Variants in PIEZO2 observed in about 807,000 individuals in gnomAD.
PIEZO2 encodes piezo type mechanosensitive ion channel component 2, also known as piezo-type mechanosensitive ion channel component 2.
PIEZO2 carries 172 observed loss-of-function variants against 337.3 expected under a neutral mutation model. The observed-to-expected ratio is 0.51, with a 90% confidence interval of 0.45 to 0.58. PIEZO2 has a LOEUF of 0.58. Ranked by LOEUF, PIEZO2 falls within the 20% of genes least tolerant of loss-of-function variation. PIEZO2 has a pLI of 0.00. For missense variants in PIEZO2, 3,028 were observed against 3,391.3 expected (o/e 0.89, Z 2.66); for synonymous variants, 1,251 against 1,228.5 (o/e 1.02, Z -0.38).
At position 10,775,080 on chromosome 18, in the gene PIEZO2, G is replaced by A. The variant is rs957001869; in HGVS notation, c.2535-1042C>T. Among the ~76,000 whole-genome samples the A allele has an allele frequency of 6.6e-6, 1 of 152,168 alleles. No homozygotes were observed. The highest frequency in any genetic ancestry group is 1.5e-5 in the Non-Finnish European group (1 of 68,036). ...TCATTCAAACAATTCCCTTGCACAG[G>A]ATGTCCAGCAGGTAAATGATAGTAT... On this transcript the variant is annotated intron_variant, in intron 18 of 55. Transcript: ENST00000674853. The surrounding 1 kb of genome is among the most constrained non-coding windows in gnomAD (Gnocchi z 4.3).
Position 10,954,076 on chromosome 18 carries a change from C to T in PIEZO2, c.286+25459G>A, listed in dbSNP as rs777845909. ...ATAAGACAGCCTGTGAAATTTTAGG[C>T]CTTACACTATATAACTCAGTCTTGA... On this transcript the variant is annotated intron_variant, in intron 3 of 55. Coordinates refer to ENST00000674853, the MANE Select transcript of PIEZO2 (RefSeq NM_001378183.1). This position sits in a 1 kb window ranked among gnomAD's most constrained non-coding sequence, Gnocchi z 4.2. Among the ~76,000 whole-genome samples, 2 of 152,180 alleles carry T rather than the reference C, an allele frequency of 1.3e-5. No homozygotes were observed. The highest frequency in any genetic ancestry group is 6.5e-5 in the Admixed American group (1 of 15,284).
At chr18:10,772,990 T>C (rs1386208564) in intron 20 of PIEZO2, among the ~76,000 whole-genome samples, 1 of 152,218 alleles carries the variant, frequency 6.6e-6, no homozygotes, top group African/African-American at 2.4e-5. Flanking sequence ...AGAAATATAT[T>C]CTTAATTATT....
At chr18:10,868,764 C>T (rs1460713200) in intron 5 of PIEZO2, among the ~76,000 whole-genome samples, 1 of 152,170 alleles carries the variant, frequency 6.6e-6, no homozygotes, top group Non-Finnish European at 1.5e-5. Context: ...TTAGAATTAA[C>T]CCATGTGACT....
chr18:11,018,746 T>C (rs2145700653), intron 2 of PIEZO2, among the ~76,000 whole-genome samples: 1 of 152,290 alleles, frequency 6.6e-6, no homozygotes, highest in South Asian at 2.1e-4. Context: ...TCCTTCCTTT[T>C]GGAACCCCAT....
chr18:10,770,597 CGCTT>C (rs1184652119), intron 20 of PIEZO2, among the ~76,000 whole-genome samples: 2 of 151,762 alleles, frequency 1.3e-5, no homozygotes, highest in East Asian at 1.9e-4. Context: ...TCCTTCCACT[CGCTT>C]GCTTGCTTGC....
chr18:10,699,635 G>A (rs577226149), intron 43 of PIEZO2, among the ~76,000 whole-genome samples: 4 of 152,272 alleles, frequency 2.6e-5, no homozygotes, highest in Non-Finnish European at 5.9e-5. Flanking sequence ...GCATGAAAAC[G>A]GACTAATACA....
At chr18:10,739,755 T>A (rs1390315770) in intron 33 of PIEZO2, 1 of 152,254 alleles carries the variant, frequency 6.6e-6, no homozygotes, top group Non-Finnish European at 1.5e-5. Flanking sequence ...ATAAAACTCT[T>A]TCTAATCTTG....
intron 2 of PIEZO2, among the ~76,000 whole-genome samples, chr18:11,034,284 C>CA (rs991146094): frequency 6.6e-6 from 1 of 151,750 alleles, no homozygotes; most frequent in Non-Finnish European, 1.5e-5. Context: ...TTAAATGTAT[C>CA]ATTTCTTTTC....
chr18:10,728,919 C>T (rs527618878), intron 36 of PIEZO2, among the ~76,000 whole-genome samples: 12 of 142,784 alleles, frequency 8.4e-5, no homozygotes, highest in Admixed American at 2.2e-4. Flanking sequence ...GGCGCCACTG[C>T]ACTCCAGCCT....
intron 1 of PIEZO2, among the ~76,000 whole-genome samples, chr18:11,106,518 C>T (rs544752875): frequency 5.8e-4 from 87 of 151,282 alleles, no homozygotes; most frequent in Middle Eastern, 3.4e-3. Flanking sequence ...GGTGATCCTC[C>T]CGCCTCAGCC....
rs1334920509 is a variant in PIEZO2, at chr18:10,827,509, C to T, written c.918-20235G>A. ...AGACCAACATTTGCCTCCTTTTTTTCTCTCTCTGCTCCCCCTGCCTTTATG... is the reference window on the plus strand; with the variant it reads ...AGACCAACATTTGCCTCCTTTTTTTTTCTCTCTGCTCCCCCTGCCTTTATG... On this transcript the variant is annotated intron_variant, in intron 7 of 55. Transcript: ENST00000674853. 2.6e-5 allele frequency among the ~76,000 whole-genome samples: 4 copies of T among 151,728 alleles called. No homozygotes were observed. In the South Asian group the frequency reaches 6.2e-4, roughly 24 times the overall value.
At position 11,033,971 on chromosome 18, in the gene PIEZO2, C is replaced by T. The variant is rs2036828679; in HGVS notation, c.160+32156G>A. 6.6e-6 allele frequency among the ~76,000 whole-genome samples: 1 copy of T among 151,940 alleles called. No individual in the cohort carries two copies. Among genetic ancestry groups the T allele is most frequent in the Non-Finnish European group, 1.5e-5 (1 of 68,014 alleles). On this transcript the variant is annotated intron_variant, in intron 2 of 55. Transcript: ENST00000674853. The surrounding 1 kb of genome is among the most constrained non-coding windows in gnomAD (Gnocchi z 4.2). Reference sequence around the variant, plus strand: ...GAGCTAATGTTGTGCTGATTTGAAACTGAAGGGGAAAAAAACCCTCAGATT... The same window carrying T: ...GAGCTAATGTTGTGCTGATTTGAAATTGAAGGGGAAAAAAACCCTCAGATT...
intron 1 of PIEZO2, among the ~76,000 whole-genome samples, chr18:11,147,931 C>T (rs369963968): frequency 6.6e-6 from 1 of 152,236 alleles, no homozygotes; most frequent in African/African-American, 2.4e-5. Context: ...GGGTCTATAG[C>T]CTTAGCATCC....
chr18:10,989,754 T>C (rs917746785), intron 2 of PIEZO2, among the ~76,000 whole-genome samples: 3 of 152,140 alleles, frequency 2.0e-5, no homozygotes, highest in African/African-American at 7.2e-5. Flanking sequence ...GCTAAAGCTA[T>C]TGTAGATAAA....
Position 11,003,801 on chromosome 18 carries a change from C to A in PIEZO2, c.161-24141G>T, listed in dbSNP as rs1192657526. Among the ~76,000 whole-genome samples, 5 of 152,288 alleles carry A rather than the reference C, an allele frequency of 3.3e-5. No individual in the cohort carries two copies. In the East Asian group the frequency reaches 9.7e-4, roughly 29 times the overall value. ...CCCACACAGACCTGGGGAGAACAAG[C>A]AAACTCCACATGGGGGTGGACCTGG... On this transcript the variant is annotated intron_variant, in intron 2 of 55. Transcript: ENST00000674853. This position sits in a 1 kb window ranked among gnomAD's most constrained non-coding sequence, Gnocchi z 4.6.
At chr18:10,836,435 T>C (rs2041016171) in intron 7 of PIEZO2, among the ~76,000 whole-genome samples, 3 of 152,162 alleles carry the variant, frequency 2.0e-5, no homozygotes, top group African/African-American at 7.2e-5. Flanking sequence ...ACCTCCCCAC[T>C]TTGCTAGCCC....
chr18:10,836,037 C>CT (rs2041001751), intron 7 of PIEZO2, among the ~76,000 whole-genome samples: 1 of 152,268 alleles, frequency 6.6e-6, no homozygotes, highest in East Asian at 1.9e-4. Context: ...GTCGCTTATG[C>CT]TTTTTTTCCT....
Position 10,905,666 on chromosome 18 carries a change from C to T in PIEZO2, c.329+5520G>A, listed in dbSNP as rs576500841. Among the ~76,000 whole-genome samples, 313 of 151,308 alleles carry T rather than the reference C, an allele frequency of 2.1e-3. 2 individuals are homozygous for T. The highest frequency in any genetic ancestry group is 7.1e-3 in the African/African-American group (293 of 41,196). On this transcript the variant is annotated intron_variant, in intron 4 of 55. Coordinates refer to ENST00000674853, the MANE Select transcript of PIEZO2 (RefSeq NM_001378183.1). Reference sequence around the variant, plus strand: ...AGTGAGCCGCCTCCTGAGCCCATGGCAGTGTGGTGCCTGAGTACTGTGAGT... The same window carrying T: ...AGTGAGCCGCCTCCTGAGCCCATGGTAGTGTGGTGCCTGAGTACTGTGAGT...
chr18:10,992,029 T>A (rs895156523), intron 2 of PIEZO2, among the ~76,000 whole-genome samples: 2 of 152,268 alleles, frequency 1.3e-5, no homozygotes, highest in Non-Finnish European at 2.9e-5. Flanking sequence ...AAATGTCTTC[T>A]TTCTAGACGT....
Sources: gnomAD v4.1 joint callset for allele counts (sites outside exome capture counted in the v4.1 genomes callset) on GRCh38, gnomAD v4.1.1 for gene constraint, Gnocchi (gnomAD v3.1) non-coding constraint, MANE v1.5 for transcripts, NCBI Gene and HGNC (gene_info 2026-07-23, HGNC 2026-07-21) for gene names.